THSD4: variants seen among roughly 807,000 people sequenced by gnomAD.
THSD4 encodes thrombospondin type-1 domain-containing protein 4.
In THSD4, 69 loss-of-function variants were observed where a neutral mutation model predicts 119.0. The ratio of observed to expected loss-of-function variants is 0.58; its 90% CI spans 0.48 to 0.71. The LOEUF is 0.71. Ranked by LOEUF, THSD4 falls within the 30% of genes least tolerant of loss-of-function variation. The probability of loss-of-function intolerance (pLI) is 0.00; values close to 1 mark genes in which losing one functional copy is unlikely to be tolerated. For missense variants in THSD4, 1,393 were observed against 1,391.1 expected (o/e 1.00, Z -0.02); for synonymous variants, 524 against 540.4 (o/e 0.97, Z 0.42).
intron 8 of THSD4, among the ~76,000 whole-genome samples, chr15:71,712,052 A>G (rs931426496): frequency 2.6e-5 from 4 of 152,206 alleles, no homozygotes; most frequent in African/African-American, 9.6e-5. Context: ...ACAGCAGCAG[A>G]ACACATATTC....
At chr15:71,390,719 G>A (rs1343895791) in intron 6 of THSD4, among the ~76,000 whole-genome samples, 2 of 152,104 alleles carry the variant, frequency 1.3e-5, no homozygotes, top group African/African-American at 4.8e-5. Flanking sequence ...GTTGGAAGGG[G>A]AGTAGGAATA....
intron 17 of THSD4, 66 bp from the exon 18 acceptor site, chr15:71,777,166 T>A (rs2053928219): frequency 1.2e-6 from 2 of 1,603,678 alleles, no homozygotes; most frequent in African/African-American, 2.7e-5. Context: ...CTGCCCTTTC[T>A]CTTCCCACTG....
At position 71,260,748 on chromosome 15, in the gene THSD4, G is replaced by A. The variant is rs183749574; in HGVS notation, c.1015+4033G>A. ...ATGGGTTTGAGCTTGCAATCATACT[G>A]GGAGGGACTCTCTCACCTGGTCTTG... is the stretch of plus-strand genomic sequence containing the variant. On this transcript the variant is annotated intron_variant, in intron 6 of 17. Coordinates refer to ENST00000261862, the MANE Select transcript of THSD4 (RefSeq NM_024817.3). Among the ~76,000 whole-genome samples the A allele has an allele frequency of 1.3e-4, 20 of 152,170 alleles. No individual in the cohort carries two copies. In the East Asian group the frequency reaches 3.7e-3, roughly 28 times the overall value.
At chr15:71,393,859 A>T (rs2046409649) in intron 6 of THSD4, among the ~76,000 whole-genome samples, 1 of 152,196 alleles carries the variant, frequency 6.6e-6, no homozygotes, top group South Asian at 2.1e-4. Flanking sequence ...TGTCAGACAG[A>T]CTAGCTGATT....
chr15:71,766,159 T>C (rs1030054763), intron 16 of THSD4, among the ~76,000 whole-genome samples: 9 of 151,910 alleles, frequency 5.9e-5, no homozygotes, highest in Non-Finnish European at 8.8e-5. Context: ...TATTAAGAAA[T>C]GAAAGGGGAA....
At chr15:71,265,430 T>A (rs931050209) in intron 6 of THSD4, among the ~76,000 whole-genome samples, 1 of 152,166 alleles carries the variant, frequency 6.6e-6, no homozygotes, top group Non-Finnish European at 1.5e-5. Flanking sequence ...GCCCAGATAC[T>A]ACGCTTTTGC....
At chr15:71,400,651 A>C (rs2140483993) in intron 6 of THSD4, among the ~76,000 whole-genome samples, 2 of 152,306 alleles carry the variant, frequency 1.3e-5, no homozygotes, top group South Asian at 4.1e-4. Context: ...GCTTTGAGCA[A>C]GCACCTTATT....
intron 2 of THSD4, among the ~76,000 whole-genome samples, chr15:71,149,037 T>A (rs1340489176): frequency 6.6e-6 from 1 of 151,326 alleles, no homozygotes; most frequent in African/African-American, 2.4e-5. Flanking sequence ...TTGCTGCCTT[T>A]ACTTTTTTTT....
chr15:71,682,916 T>C (rs2051822423), intron 8 of THSD4, among the ~76,000 whole-genome samples: 1 of 104,246 alleles, frequency 9.6e-6, no homozygotes, highest in Non-Finnish European at 1.9e-5. Context: ...TTCTTCTTCT[T>C]CTTCTTTTTT....
intron 6 of THSD4, among the ~76,000 whole-genome samples, chr15:71,394,776 G>A (rs1256761414): frequency 6.6e-6 from 1 of 152,222 alleles, no homozygotes; most frequent in Non-Finnish European, 1.5e-5. Flanking sequence ...TGCCCTGGGA[G>A]ACTTTGCCAT....
intron 7 of THSD4, among the ~76,000 whole-genome samples, chr15:71,441,950 T>TTTTTG (rs1201606670): frequency 8.6e-5 from 13 of 151,864 alleles, no homozygotes; most frequent in South Asian, 4.1e-4. Context: ...GTTGCTATCT[T>TTTTTG]TTTTGTTTTG....
chr15:71,706,854 A>G (rs1395824046), intron 8 of THSD4, among the ~76,000 whole-genome samples: 7 of 152,246 alleles, frequency 4.6e-5, no homozygotes, highest in Non-Finnish European at 8.8e-5. Context: ...GAGGAGGAGG[A>G]TTAAGGGGTG....
intron 6 of THSD4, among the ~76,000 whole-genome samples, chr15:71,401,271 T>C (rs957911288): frequency 6.6e-6 from 1 of 152,228 alleles, no homozygotes; most frequent in Non-Finnish European, 1.5e-5. Context: ...AGTTTTGTAG[T>C]TTTTTGTTGA....
chr15:71,166,855 T>C (rs990207442), intron 3 of THSD4, among the ~76,000 whole-genome samples: 2 of 152,216 alleles, frequency 1.3e-5, no homozygotes, highest in African/African-American at 2.4e-5. Context: ...GTGTATCACA[T>C]CTTGGGATAT....
At chr15:71,727,551 AAAATATATATATAT>A (rs1454487078) in intron 8 of THSD4, among the ~76,000 whole-genome samples, 1 of 107,488 alleles carries the variant, frequency 9.3e-6, no homozygotes, top group African/African-American at 4.4e-5. Context: ...AAAAAAAAAA[AAAATATATATATAT>A]ATATATATAT....
At chr15:71,558,005 CA>C (rs1038768212) in intron 7 of THSD4, among the ~76,000 whole-genome samples, 15 of 152,076 alleles carry the variant, frequency 9.9e-5, no homozygotes, top group African/African-American at 3.6e-4. Flanking sequence ...TTTATGTCAT[CA>C]TTTTTTTCTT....
intron 5 of THSD4, among the ~76,000 whole-genome samples, chr15:71,253,973 G>C (rs2044287229): frequency 6.6e-6 from 1 of 152,156 alleles, no homozygotes; most frequent in African/African-American, 2.4e-5. Flanking sequence ...TTCTGAATGT[G>C]CATTGGTTTG....
chr15:71,191,153 A>G (rs1449457842), intron 3 of THSD4, among the ~76,000 whole-genome samples: 4 of 151,866 alleles, frequency 2.6e-5, no homozygotes, highest in Admixed American at 6.6e-5. Context: ...TAGTGGGAGC[A>G]TTTCCCCAGG....
chr15:71,280,668 G>A (rs2044640935), intron 6 of THSD4, among the ~76,000 whole-genome samples: 1 of 150,372 alleles, frequency 6.7e-6, no homozygotes, highest in Non-Finnish European at 1.5e-5. Context: ...CCTGGTTTCA[G>A]TGTGTCTTCC....
Sources: gnomAD v4.1 joint callset for allele counts (sites outside exome capture counted in the v4.1 genomes callset) on GRCh38, gnomAD v4.1.1 for gene constraint, MANE v1.5 for transcripts, NCBI Gene and HGNC (gene_info 2026-07-23, HGNC 2026-07-21) for gene names.